OPCML: variants seen among roughly 807,000 people sequenced by gnomAD.
OPCML encodes opioid binding protein/cell adhesion molecule like, also known as opioid-binding protein/cell adhesion molecule.
OPCML carries 13 observed loss-of-function variants against 37.8 expected under a neutral mutation model. That is an observed-to-expected ratio of 0.34 (90% CI 0.22 to 0.55). The LOEUF (loss-of-function observed/expected upper bound fraction) is 0.55. OPCML is among the 20% of genes least tolerant of loss of function. The probability of loss-of-function intolerance (pLI) is 0.91; values close to 1 mark genes in which losing one functional copy is unlikely to be tolerated. For missense variants in OPCML, 341 were observed against 435.6 expected (o/e 0.78, Z 1.93); for synonymous variants, 176 against 168.8 (o/e 1.04, Z -0.33).
chr11:132,613,838 T>C (rs1017240836), intron 3 of OPCML, among the ~76,000 whole-genome samples: 3 of 152,110 alleles, frequency 2.0e-5, no homozygotes, highest in Non-Finnish European at 4.4e-5. Context: ...GAGCACATTA[T>C]ATGTGGGTAT....
At position 132,868,296 on chromosome 11, in the gene OPCML, ATTTTTTTTT is replaced by A. The variant is rs67534174; in HGVS notation, c.146+74621_146+74629del. 2.9e-3 allele frequency among the ~76,000 whole-genome samples: 228 copies of A among 77,458 alleles called. 1 individual carries two copies. The highest frequency in any genetic ancestry group is 6.4e-3 in the Admixed American group (42 of 6,602). 50.8% of individuals were successfully genotyped at this position (77,458 alleles called of 152,430 possible). A position where few individuals can be genotyped will look rare whatever the true frequency, so the allele number is the denominator to read the frequency against. On this transcript the variant is annotated intron_variant, in intron 2 of 7. Coordinates refer to ENST00000524381, the MANE Select transcript of OPCML (RefSeq NM_001012393.5). ...CTAATATTTTTCCATTGAGGCTGTG[ATTTTTTTTT>A]TTTTTTTTTTTTTTTTTTACAAAGG...
chr11:133,316,420 T>G lies in OPCML; in HGVS notation c.61+215844A>C, dbSNP rs376462508. ...ACATGTCCTCACTCATAAGTGGGAG[T>G]TGAAGAATGAGAACACATGGACACA... On this transcript the variant is annotated intron_variant, in intron 1 of 7. Coordinates refer to ENST00000524381, the MANE Select transcript of OPCML (RefSeq NM_001012393.5). Among the ~76,000 whole-genome samples the G allele has an allele frequency of 1.1e-4, 17 of 151,706 alleles. No homozygotes were observed. In the South Asian group the frequency reaches 3.6e-3, roughly 32 times the overall value.
intron 2 of OPCML, among the ~76,000 whole-genome samples, chr11:132,671,933 A>G (rs1439197193): frequency 2.6e-5 from 4 of 152,138 alleles, no homozygotes; most frequent in Non-Finnish European, 4.4e-5. Flanking sequence ...CCAATACACC[A>G]CCTTAATTGT....
chr11:133,018,179 T>G (rs1469624045), intron 1 of OPCML, among the ~76,000 whole-genome samples: 1 of 152,182 alleles, frequency 6.6e-6, no homozygotes, highest in African/African-American at 2.4e-5. Context: ...GGGTTGTTAC[T>G]TTCCTTTTGA....
intron 1 of OPCML, among the ~76,000 whole-genome samples, chr11:133,090,140 C>T (rs1948881841): frequency 6.6e-6 from 1 of 152,156 alleles, no homozygotes; most frequent in African/African-American, 2.4e-5. Context: ...TCCTCTCCGC[C>T]CTTACTACTT....
chr11:133,450,536 C>T (rs1004388342), intron 1 of OPCML, among the ~76,000 whole-genome samples: 4 of 151,370 alleles, frequency 2.6e-5, no homozygotes, highest in African/African-American at 9.8e-5. Context: ...AATATCAACA[C>T]ATCTCTGAGA....
intron 1 of OPCML, among the ~76,000 whole-genome samples, chr11:133,243,458 A>G (rs1218123342): frequency 1.3e-5 from 2 of 152,198 alleles, no homozygotes; most frequent in Non-Finnish European, 2.9e-5. Flanking sequence ...TTATTCTTCC[A>G]GGTGCAACAG....
At chr11:133,014,048 T>A (rs1947270659) in intron 1 of OPCML, among the ~76,000 whole-genome samples, 1 of 152,202 alleles carries the variant, frequency 6.6e-6, no homozygotes, top group African/African-American at 2.4e-5. Context: ...TGAAGACAAC[T>A]TTACATTCTT....
intron 1 of OPCML, among the ~76,000 whole-genome samples, chr11:133,525,638 A>G (rs930970249): frequency 1.3e-5 from 2 of 152,254 alleles, no homozygotes; most frequent in African/African-American, 2.4e-5. Context: ...ATAAGGAATG[A>G]GACCACTGTG....
At chr11:132,577,083 T>C (rs1258579112) in intron 3 of OPCML, among the ~76,000 whole-genome samples, 1 of 152,180 alleles carries the variant, frequency 6.6e-6, no homozygotes, top group Admixed American at 6.5e-5. Context: ...TGAGAGAGTG[T>C]CCTGAATCCC....
rs551182055 is a variant in OPCML, at chr11:132,467,622, G to A, written c.506-30263C>T. On this transcript the variant is annotated intron_variant, in intron 4 of 7. Transcript: ENST00000524381. ...TCATTTAAAAGGCTGGCACACCAACGCCCAGATGCCATGAGGGTATGCTCA... is the reference window on the plus strand; with the variant it reads ...TCATTTAAAAGGCTGGCACACCAACACCCAGATGCCATGAGGGTATGCTCA... Among the ~76,000 whole-genome samples, 5 of 152,284 alleles carry A rather than the reference G, an allele frequency of 3.3e-5. No individual in the cohort carries two copies. In the South Asian group the frequency reaches 6.2e-4, roughly 19 times the overall value.
chr11:132,652,389 G>C (rs77024493), intron 3 of OPCML, among the ~76,000 whole-genome samples: 12,267 of 139,224 alleles, frequency 0.088, 905 homozygotes, highest in African/African-American at 0.23. Context: ...CACACACAGA[G>C]AGAGAAATCC....
At chr11:133,061,103 C>T (rs1357839115) in intron 1 of OPCML, among the ~76,000 whole-genome samples, 5 of 152,200 alleles carry the variant, frequency 3.3e-5, no homozygotes, top group Admixed American at 1.3e-4. Context: ...TGGGTTTAAG[C>T]AGTCCTCCTG....
chr11:132,961,174 T>C (rs1034775903), intron 1 of OPCML, among the ~76,000 whole-genome samples: 4 of 152,222 alleles, frequency 2.6e-5, no homozygotes, highest in African/African-American at 4.8e-5. Flanking sequence ...CCTGGAGATA[T>C]AGACACTGAC....
intron 1 of OPCML, chr11:133,004,012 T>C: frequency 1.0e-6 from 1 of 985,322 alleles, no homozygotes; most frequent in South Asian, 4.7e-5. Context: ...GGCACACGTC[T>C]CTCACCGCTC....
intron 1 of OPCML, among the ~76,000 whole-genome samples, chr11:133,471,752 G>T (rs1005242609): frequency 6.6e-6 from 1 of 152,194 alleles, no homozygotes; most frequent in African/African-American, 2.4e-5. Context: ...TCATGACAGG[G>T]TCTAAAATTG....
rs376727046 is a variant in OPCML, at chr11:132,682,287, A to G, written c.147-24968T>C. Among the ~76,000 whole-genome samples, 27 of 152,330 alleles carry G rather than the reference A, an allele frequency of 1.8e-4. No homozygotes were observed. The South Asian group carries it at 5.6e-3, about 32-fold the overall frequency. Reference sequence around the variant, plus strand: ...CCTGTTTCAGTAGGTTTCTAACCTAAGCTGACAGAATCCCTAATAAAAGGC... The same window carrying G: ...CCTGTTTCAGTAGGTTTCTAACCTAGGCTGACAGAATCCCTAATAAAAGGC... On this transcript the variant is annotated intron_variant, in intron 2 of 7. Transcript: ENST00000524381.
chr11:133,500,440 A>G (rs1947886462), intron 1 of OPCML, among the ~76,000 whole-genome samples: 2 of 152,236 alleles, frequency 1.3e-5, no homozygotes, highest in African/African-American at 4.8e-5. Flanking sequence ...GGTGTTTTGC[A>G]TATTTAAATA....
intron 4 of OPCML, among the ~76,000 whole-genome samples, chr11:132,500,619 T>C (rs375469944): frequency 2.0e-4 from 30 of 152,306 alleles, no homozygotes; most frequent in African/African-American, 7.0e-4. Flanking sequence ...TGCAGATTTG[T>C]TACATAGGTG....
Sources: allele counts gnomAD v4.1 joint callset (sites outside exome capture counted in the v4.1 genomes callset), GRCh38; gene constraint gnomAD v4.1.1; transcripts MANE v1.5; gene names NCBI Gene and HGNC (gene_info 2026-07-23, HGNC 2026-07-21).